Variants in PLEKHF2 observed in about 807,000 individuals in gnomAD.
The protein encoded by PLEKHF2 is pleckstrin homology domain-containing family F member 2.
In PLEKHF2, 4 loss-of-function variants were observed where a neutral mutation model predicts 14.7. The observed-to-expected ratio is 0.27, with a 90% CI of 0.13 to 0.62. PLEKHF2 has a LOEUF of 0.62. Ranked by LOEUF, PLEKHF2 falls within the 20% of genes least tolerant of loss-of-function variation. The pLI is 0.85. For synonymous variants in PLEKHF2, 90 were observed against 103.5 expected (o/e 0.87, Z 0.79); for missense variants, 201 against 307.7 (o/e 0.65, Z 2.60).
chr8:95,154,931 A>G lies in PLEKHF2; in HGVS notation c.*137A>G, dbSNP rs1810600483. On this transcript the variant is annotated 3_prime_UTR_variant, in exon 2 of 2. Transcript: ENST00000315367. The surrounding 1 kb of genome is among the most constrained non-coding windows in gnomAD (Gnocchi z 5.6). Reference sequence around the variant, plus strand: ...AGAAACTTGTAACCTATGTGCCTCAATATATTCCATAGAAAGTAGGTCCCC... The same window carrying G: ...AGAAACTTGTAACCTATGTGCCTCAGTATATTCCATAGAAAGTAGGTCCCC... 1 of 1,026,828 alleles carries G rather than the reference A, an allele frequency of 9.7e-7. No individual in the cohort carries two copies. Among genetic ancestry groups the G allele is most frequent in the Non-Finnish European group, 1.4e-6 (1 of 706,094 alleles). The allele number at this position is 1,026,828 out of a possible 1,614,324, so 63.6% of individuals were successfully genotyped here. A position where few individuals can be genotyped will look rare whatever the true frequency, so the allele number is the denominator to read the frequency against.
rs776616305 is a variant in PLEKHF2 at position 95,156,349 on chromosome 8, T to A, written c.*1555T>A. 1.2e-4 allele frequency: 20 copies of A among 167,118 alleles called. No individual in the cohort carries two copies. The highest frequency in any genetic ancestry group is 2.6e-4 in the Non-Finnish European group (18 of 68,100). The allele number at this position is 167,118 out of a possible 1,614,324, so 10.4% of individuals were successfully genotyped here. A position where few individuals can be genotyped will look rare whatever the true frequency, so the allele number is the denominator to read the frequency against. ...GGTTAAGGCACTAATTTTACTTACC[T>A]ATTAGATTTTGAAAGTATCTGAGAT... On this transcript the variant is annotated 3_prime_UTR_variant, in exon 2 of 2. Coordinates refer to ENST00000315367, the MANE Select transcript of PLEKHF2 (RefSeq NM_024613.4).
At chr8:95,138,208 T>C (rs894536679) in intron 1 of PLEKHF2, among the ~76,000 whole-genome samples, 2 of 152,174 alleles carry the variant, frequency 1.3e-5, no homozygotes, top group Non-Finnish European at 2.9e-5. Flanking sequence ...AGTTGACTTA[T>C]TTTCTCTGTT....
Position 95,154,502 on chromosome 8 carries a change from C to G in PLEKHF2, c.458C>G (p.Ser153Cys), listed in dbSNP as rs763688378. Residue 153 changes from serine to cysteine, a missense_variant, in exon 2 of 2, where the codon TCT becomes TGT. Transcript: ENST00000315367. This position sits in a 1 kb window ranked among gnomAD's most constrained non-coding sequence, Gnocchi z 5.6. ...NEHAAVWVPD[S>C]EATVCMRCQK... is the part of the protein sequence containing the mutation. ...CATGCTGCTGTCTGGGTTCCTGACT[C>G]TGAGGCAACTGTATGTATGCGTTGT... is the stretch of plus-strand genomic sequence containing the variant. 5.0e-6 allele frequency: 8 copies of G among 1,614,196 alleles called. No individual in the cohort carries two copies. The highest frequency in any genetic ancestry group is 4.4e-5 in the South Asian group (4 of 91,092).
intron 1 of PLEKHF2, among the ~76,000 whole-genome samples, chr8:95,144,062 T>A (rs915272752): frequency 6.6e-6 from 1 of 152,130 alleles, no homozygotes; most frequent in African/African-American, 2.4e-5. Context: ...TTTAGCTCAT[T>A]AGCTATCATT....
chr8:95,150,832 T>G (rs1810553698), intron 1 of PLEKHF2, among the ~76,000 whole-genome samples: 1 of 152,144 alleles, frequency 6.6e-6, no homozygotes, highest in Non-Finnish European at 1.5e-5. Flanking sequence ...TAGGAACAAT[T>G]AGTGTACCAT....
rs77880997 is a variant in PLEKHF2, at chr8:95,155,088, G to A, written c.*294G>A. 24,059 of 354,214 alleles carry A rather than the reference G, an allele frequency of 0.068. 1,101 individuals carry two copies. Among genetic ancestry groups the A allele is most frequent in the African/African-American group, 0.14 (6,795 of 48,210 alleles). 21.9% of individuals were successfully genotyped at this position (354,214 alleles called of 1,614,324 possible). On this transcript the variant is annotated 3_prime_UTR_variant, in exon 2 of 2. Transcript: ENST00000315367. ...TGGGAAAAGATGTTTGTTTTAACAG[G>A]TCATGTACTACGTTGTTGTTTTCAT...
intron 1 of PLEKHF2, among the ~76,000 whole-genome samples, chr8:95,138,005 T>A (rs1810394512): frequency 6.6e-6 from 1 of 152,202 alleles, no homozygotes; most frequent in South Asian, 2.1e-4. Context: ...ACTCTGTAGT[T>A]CATGTTCTAA....
At chr8:95,152,362 T>C (rs143794746) in intron 1 of PLEKHF2, among the ~76,000 whole-genome samples, 1 of 152,240 alleles carries the variant, frequency 6.6e-6, no homozygotes, top group Non-Finnish European at 1.5e-5. Flanking sequence ...TTTAATTAGA[T>C]TGGTGAATAC....
chr8:95,141,791 C>T (rs1392058039), intron 1 of PLEKHF2, among the ~76,000 whole-genome samples: 3 of 151,426 alleles, frequency 2.0e-5, no homozygotes, highest in African/African-American at 7.3e-5. Context: ...CTGGTTGCCT[C>T]GGCCTTCTAA....
intron 1 of PLEKHF2, among the ~76,000 whole-genome samples, chr8:95,136,735 G>T (rs974853106): frequency 1.6e-4 from 25 of 152,194 alleles, no homozygotes; most frequent in African/African-American, 6.0e-4. Context: ...AAATTTTTTT[G>T]TTGTTGTTTA....
intron 1 of PLEKHF2, among the ~76,000 whole-genome samples, chr8:95,141,412 T>G (rs905065348): frequency 1.3e-5 from 2 of 152,216 alleles, no homozygotes; most frequent in Non-Finnish European, 2.9e-5. Context: ...ATCAGGCCAC[T>G]CCTTCCAAAA....
At chr8:95,138,699 G>A (rs1810406028) in intron 1 of PLEKHF2, among the ~76,000 whole-genome samples, 1 of 151,980 alleles carries the variant, frequency 6.6e-6, no homozygotes, top group African/African-American at 2.4e-5. Context: ...TACTATATGT[G>A]CTATTTAGAA....
chr8:95,142,030 TA>T (rs1438710732), intron 1 of PLEKHF2, among the ~76,000 whole-genome samples: 1 of 152,226 alleles, frequency 6.6e-6, no homozygotes. Context: ...TTTAGTATAG[TA>T]CTTATCTCCT....
intron 1 of PLEKHF2, among the ~76,000 whole-genome samples, chr8:95,148,127 A>G (rs1810519615): frequency 6.6e-6 from 1 of 152,010 alleles, no homozygotes; most frequent in Admixed American, 6.5e-5. Flanking sequence ...TTTCAGATAT[A>G]TATACCTTTA....
At chr8:95,138,167 T>G (rs1810397320) in intron 1 of PLEKHF2, among the ~76,000 whole-genome samples, 1 of 152,202 alleles carries the variant, frequency 6.6e-6, no homozygotes, top group South Asian at 2.1e-4. Context: ...TGCTTTATAC[T>G]AGTTACTTTC....
At chr8:95,150,394 G>A (rs1810544142) in intron 1 of PLEKHF2, among the ~76,000 whole-genome samples, 1 of 151,992 alleles carries the variant, frequency 6.6e-6, no homozygotes, top group South Asian at 2.1e-4. Flanking sequence ...AATCAATCAA[G>A]TGGGCTGCCA....
At chr8:95,140,088 CA>C (rs1382831974) in intron 1 of PLEKHF2, among the ~76,000 whole-genome samples, 1 of 152,180 alleles carries the variant, frequency 6.6e-6, no homozygotes, top group Non-Finnish European at 1.5e-5. Context: ...CCCATCCTGG[CA>C]TCTCTGTCCC....
chr8:95,151,335 T>C (rs1015312363), intron 1 of PLEKHF2, among the ~76,000 whole-genome samples: 1 of 152,042 alleles, frequency 6.6e-6, no homozygotes. Flanking sequence ...CAGTAGTTGA[T>C]TCAGGTGGAG....
chr8:95,136,330 A>ATG (rs2132103590), intron 1 of PLEKHF2, among the ~76,000 whole-genome samples: 1 of 93,596 alleles, frequency 1.1e-5, no homozygotes, highest in South Asian at 3.3e-4. Context: ...TTTTTATTAT[A>ATG]TATACACACA....
Sources: gnomAD v4.1 joint callset for allele counts (sites outside exome capture counted in the v4.1 genomes callset) on GRCh38, gnomAD v4.1.1 for gene constraint, Gnocchi (gnomAD v3.1) non-coding constraint, MANE v1.5 for transcripts, NCBI Gene and HGNC (gene_info 2026-07-23, HGNC 2026-07-21) for gene names.